Variants in HOMER1 observed in about 807,000 individuals in gnomAD.
The protein encoded by HOMER1 is homer protein homolog 1.
Under a neutral mutation model 48.9 loss-of-function variants are expected in HOMER1, and 3 were observed. The ratio of observed to expected loss-of-function variants is 0.06; its 90% CI spans 0.03 to 0.16. The LOEUF (loss-of-function observed/expected upper bound fraction) is 0.16. Ranked by LOEUF, HOMER1 falls within the 10% of genes least tolerant of loss-of-function variation. The probability of loss-of-function intolerance (pLI) is 1.00; values close to 1 mark genes in which losing one functional copy is unlikely to be tolerated. For missense variants in HOMER1, 247 were observed against 411.4 expected, an observed-to-expected ratio of 0.60 and a Z score of 3.46; for synonymous variants, 134 against 146.4, an observed-to-expected ratio of 0.92 and a Z score of 0.61.
intron 1 of HOMER1, among the ~76,000 whole-genome samples, chr5:79,500,969 C>CACACACACACAA (rs1752568181): frequency 1.1e-5 from 1 of 94,760 alleles, no homozygotes; most frequent in Admixed American, 1.1e-4. Context: ...GACAGACACA[C>CACACACACACAA]ACACACACAC....
chr5:79,402,243 G>A (rs568523630), intron 5 of HOMER1, among the ~76,000 whole-genome samples, 188 bp from the exon 6 acceptor site: 1 of 150,274 alleles, frequency 6.7e-6, no homozygotes, highest in Admixed American at 6.7e-5. Context: ...TTGGCTCACT[G>A]CAACCTCCGC....
intron 1 of HOMER1, among the ~76,000 whole-genome samples, chr5:79,471,544 T>C (rs1244549906): frequency 8.5e-5 from 6 of 70,412 alleles, no homozygotes; most frequent in Non-Finnish European, 1.5e-4. Flanking sequence ...CAAAACTCCA[T>C]CTCAAAGAAA....
intron 1 of HOMER1, among the ~76,000 whole-genome samples, chr5:79,467,868 T>C (rs1218614487): frequency 6.6e-6 from 1 of 152,098 alleles, no homozygotes; most frequent in African/African-American, 2.4e-5. Flanking sequence ...CCTTGACCTC[T>C]CAGGCTCAAG....
At chr5:79,504,660 A>G (rs768192263) in intron 1 of HOMER1, among the ~76,000 whole-genome samples, 2 of 152,180 alleles carry the variant, frequency 1.3e-5, no homozygotes, top group Non-Finnish European at 2.9e-5. Context: ...TCACACAAAG[A>G]AAGTCTTGTT....
At chr5:79,465,828 C>T (rs1205693285) in intron 1 of HOMER1, among the ~76,000 whole-genome samples, 3 of 151,950 alleles carry the variant, frequency 2.0e-5, no homozygotes, top group Non-Finnish European at 2.9e-5. Flanking sequence ...CTCCTGTCCT[C>T]GTGATCCGCC....
intron 2 of HOMER1, among the ~76,000 whole-genome samples, chr5:79,452,995 TTTAA>T (rs1226653479): frequency 6.6e-6 from 1 of 152,210 alleles, no homozygotes. Context: ...TTTATTCAAC[TTTAA>T]TTGAGTACCT....
chr5:79,397,821 G>A, intron 6 of HOMER1, 184 bp from the exon 7 acceptor site: 4 of 403,676 alleles, frequency 9.9e-6, no homozygotes, highest in East Asian at 4.0e-5. Context: ...CTAGGAAAAG[G>A]GAAAAATAAT....
At chr5:79,431,580 T>C (rs1176113629) in intron 5 of HOMER1, among the ~76,000 whole-genome samples, 9 of 152,176 alleles carry the variant, frequency 5.9e-5, no homozygotes. Context: ...TCTGTGAATA[T>C]ACTAAAAACC....
intron 8 of HOMER1, among the ~76,000 whole-genome samples, chr5:79,379,401 TTTATATATTTATATATTTTATATA>T (rs1748900819): frequency 8.6e-6 from 1 of 116,106 alleles, no homozygotes; most frequent in Non-Finnish European, 1.6e-5. Flanking sequence ...TATATAAATA[TTTATATATTTATATATTTTATATA>T]TTATATATTT....
At chr5:79,379,421 ATATAT>A (rs1256301377) in intron 8 of HOMER1, among the ~76,000 whole-genome samples, 1 of 115,956 alleles carries the variant, frequency 8.6e-6, no homozygotes, top group African/African-American at 3.3e-5. Context: ...TATATATTTT[ATATAT>A]TATATATTTA....
intron 2 of HOMER1, among the ~76,000 whole-genome samples, chr5:79,454,161 A>G (rs1161481960): frequency 6.6e-6 from 1 of 152,240 alleles, no homozygotes; most frequent in Admixed American, 6.5e-5. Context: ...TTATGTGTTA[A>G]TCACTAAAAT....
At position 79,456,874 on chromosome 5, in the gene HOMER1, T is replaced by C. The variant is rs773032406; in HGVS notation, c.150A>G (p.Leu50=). The change falls in exon 2 of 9, where the codon TTA becomes TTG. Residue 50 remains leucine, a synonymous_variant. Coordinates refer to ENST00000334082, the MANE Select transcript of HOMER1 (RefSeq NM_004272.5). ...AAACGTAGCTTACCTTTGAGCCATC[T>C]AAACTGATTATCCTATACACATTTC... ...STRNVYRIIS[L]DGSKAIINST... 5.0e-6 allele frequency: 8 copies of C among 1,614,014 alleles called. No homozygotes were observed. The highest frequency in any genetic ancestry group is 5.9e-6 in the Non-Finnish European group (7 of 1,179,926).
intron 5 of HOMER1, among the ~76,000 whole-genome samples, chr5:79,423,329 C>A (rs10053635): frequency 0.21 from 31,985 of 152,056 alleles, 3,475 homozygotes; most frequent in South Asian, 0.32. Context: ...AATCTATAAG[C>A]CTAGCTATTA....
chr5:79,424,791 T>C (rs1263987716), intron 5 of HOMER1, among the ~76,000 whole-genome samples: 1 of 152,072 alleles, frequency 6.6e-6, no homozygotes, highest in South Asian at 2.1e-4. Context: ...TTTTTGACTA[T>C]ATTTATCAGA....
At chr5:79,378,561 T>A (rs1748839289) in intron 8 of HOMER1, among the ~76,000 whole-genome samples, 1 of 152,150 alleles carries the variant, frequency 6.6e-6, no homozygotes, top group African/African-American at 2.4e-5. Context: ...AGGTTTTAAC[T>A]ATGAGGGAGG....
chr5:79,456,649 A>T (rs1751185466), intron 2 of HOMER1, among the ~76,000 whole-genome samples: 1 of 152,224 alleles, frequency 6.6e-6, no homozygotes, highest in African/African-American at 2.4e-5. Context: ...AAATTTGTAG[A>T]ATATTTTGGC....
At chr5:79,511,865 G>A (rs1459046782) in intron 1 of HOMER1, among the ~76,000 whole-genome samples, 1 of 152,228 alleles carries the variant, frequency 6.6e-6, no homozygotes, top group Non-Finnish European at 1.5e-5. Context: ...CACTTCAGAT[G>A]TGTTTGTTCA....
Position 79,500,652 on chromosome 5 carries a change from A to G in HOMER1, c.5+12118T>C, listed in dbSNP as rs146842187. ...TTTTATCTTTTTTTTTTTCTGAGAC[A>G]GAGTTTCTCTGTCACCCAGGCTGGA... On this transcript the variant is annotated intron_variant, in intron 1 of 8. Coordinates refer to ENST00000334082, the MANE Select transcript of HOMER1 (RefSeq NM_004272.5). 8.3e-3 allele frequency among the ~76,000 whole-genome samples: 1,256 copies of G among 151,580 alleles called. 9 individuals are homozygous for G. Among genetic ancestry groups the G allele is most frequent in the African/African-American group, 0.028 (1,176 of 41,294 alleles).
intron 6 of HOMER1, 86 bp downstream of exon 6, chr5:79,401,813 C>T: frequency 1.6e-6 from 2 of 1,261,860 alleles, no homozygotes; most frequent in Non-Finnish European, 2.3e-6. Flanking sequence ...TAGAAGATAT[C>T]CCTGTGCTGA....
Sources: gnomAD v4.1 joint callset for allele counts (sites outside exome capture counted in the v4.1 genomes callset) on GRCh38, gnomAD v4.1.1 for gene constraint, MANE v1.5 for transcripts, NCBI Gene and HGNC (gene_info 2026-07-23, HGNC 2026-07-21) for gene names.